ATP9A: variants seen among roughly 807,000 people sequenced by gnomAD.
The protein encoded by ATP9A is ATPase phospholipid transporting 9A.
Under a neutral mutation model 144.1 loss-of-function variants are expected in ATP9A, and 52 were observed. That is an observed-to-expected ratio of 0.36 (90% CI 0.29 to 0.45). The LOEUF is 0.45. Among genes scored for constraint, ATP9A ranks in the 20% least tolerant of loss-of-function variants. The pLI is 1.00. For missense variants in ATP9A, 947 were observed against 1,392.7 expected, an observed-to-expected ratio of 0.68 and a Z score of 5.09; for synonymous variants, 582 against 557.4, an observed-to-expected ratio of 1.04 and a Z score of -0.62.
At chr20:51,762,947 AG>A (rs2077887712) in intron 1 of ATP9A, among the ~76,000 whole-genome samples, 1 of 151,816 alleles carries the variant, frequency 6.6e-6, no homozygotes, top group African/African-American at 2.4e-5. Context: ...CTTGAACTCC[AG>A]GGCTCAAGCA....
chr20:51,698,904 G>A (rs1331856478), intron 4 of ATP9A, among the ~76,000 whole-genome samples: 1 of 152,196 alleles, frequency 6.6e-6, no homozygotes, highest in African/African-American at 2.4e-5. Context: ...CACCCTGTGA[G>A]GGAGCCCAGA....
At chr20:51,668,570 A>G (rs147878039) in intron 13 of ATP9A, among the ~76,000 whole-genome samples, 258 of 152,196 alleles carry the variant, frequency 1.7e-3, no homozygotes, top group African/African-American at 5.9e-3. Context: ...AAATCACCAC[A>G]CAGAGGAAGA....
chr20:51,635,826 G>GGAAGGAAGGA lies in ATP9A; in HGVS notation c.1668+3516_1668+3517insTCCTTCCTTC, dbSNP rs1193048703. Among the ~76,000 whole-genome samples the GGAAGGAAGGA allele has an allele frequency of 1.3e-3, 59 of 46,870 alleles. 1 individual carries two copies. The highest frequency in any genetic ancestry group is 4.4e-3 in the African/African-American group (50 of 11,368). 30.7% of individuals were successfully genotyped at this position (46,870 alleles called of 152,430 possible). On this transcript the variant is annotated intron_variant, in intron 15 of 27. Coordinates refer to ENST00000338821, the MANE Select transcript of ATP9A (RefSeq NM_006045.3). ...GGAGGAAGGAAGGAAGGAAGGAAGG[G>GGAAGGAAGGA]AGGGAGGGAGGGAGGGAAAAAGGAA...
At chr20:51,658,516 CTTTTTTTTTT>C (rs35371153) in intron 13 of ATP9A, among the ~76,000 whole-genome samples, 5,112 of 106,914 alleles carry the variant, frequency 0.048, 126 homozygotes, top group Non-Finnish European at 0.064. Flanking sequence ...CCTATGCTTC[CTTTTTTTTTT>C]TTTTTTTTTT....
At chr20:51,643,853 C>A (rs575467004) in intron 14 of ATP9A, among the ~76,000 whole-genome samples, 1 of 152,008 alleles carries the variant, frequency 6.6e-6, no homozygotes, top group Non-Finnish European at 1.5e-5. Flanking sequence ...AAAATCATAC[C>A]AGCCAGGTGC....
intron 15 of ATP9A, among the ~76,000 whole-genome samples, chr20:51,637,285 A>G (rs1324732745): frequency 4.9e-5 from 6 of 123,336 alleles, no homozygotes; most frequent in African/African-American, 1.2e-4. Context: ...TAAGTATCTT[A>G]TTTGATAACT....
At chr20:51,650,742 A>T (rs2122761722) in intron 14 of ATP9A, among the ~76,000 whole-genome samples, 1 of 152,150 alleles carries the variant, frequency 6.6e-6, no homozygotes, top group East Asian at 1.9e-4. Flanking sequence ...AGCCATGGAG[A>T]CACTCTGCAT....
chr20:51,659,787 T>G (rs2426355), intron 13 of ATP9A, among the ~76,000 whole-genome samples: 74,426 of 152,062 alleles, frequency 0.49, 18,934 homozygotes, highest in East Asian at 0.79. Context: ...ATTTTTAGTA[T>G]TAGCATTAGA....
chr20:51,616,940 CTTTTTTTTTT>C (rs556430829), intron 22 of ATP9A, among the ~76,000 whole-genome samples: 1 of 131,074 alleles, frequency 7.6e-6, no homozygotes, highest in Non-Finnish European at 1.6e-5. Context: ...TATAGAGAAA[CTTTTTTTTTT>C]TTTTTTTTTG....
intron 14 of ATP9A, among the ~76,000 whole-genome samples, chr20:51,654,909 T>C (rs920653892): frequency 1.3e-5 from 2 of 152,198 alleles, no homozygotes; most frequent in African/African-American, 4.8e-5. Context: ...CACACTATAC[T>C]GTGTCACACA....
intron 11 of ATP9A, among the ~76,000 whole-genome samples, chr20:51,672,884 A>G (rs1403329700): frequency 6.6e-6 from 1 of 152,134 alleles, no homozygotes; most frequent in East Asian, 1.9e-4. Context: ...CACTGCTCCA[A>G]TTTTTTGTAA....
chr20:51,627,063 A>G (rs1281685936), intron 17 of ATP9A, among the ~76,000 whole-genome samples: 2 of 151,816 alleles, frequency 1.3e-5, no homozygotes, highest in African/African-American at 4.8e-5. Flanking sequence ...GTCTCAAAAA[A>G]AAAAAAAAAA....
At chr20:51,665,215 A>G (rs2077427736) in intron 13 of ATP9A, among the ~76,000 whole-genome samples, 1 of 147,530 alleles carries the variant, frequency 6.8e-6, no homozygotes, top group African/African-American at 2.5e-5. Context: ...ATCCAGAGAC[A>G]GAAAGTAGAC....
intron 11 of ATP9A, 69 bp from the exon 12 acceptor site, chr20:51,671,326 A>C: frequency 1.3e-6 from 2 of 1,554,902 alleles, no homozygotes; most frequent in Non-Finnish European, 1.8e-6. Context: ...TTATAAAAAC[A>C]TGGACTCTAA....
intron 4 of ATP9A, among the ~76,000 whole-genome samples, chr20:51,702,647 C>G (rs2077598962): frequency 6.6e-6 from 1 of 151,996 alleles, no homozygotes; most frequent in African/African-American, 2.4e-5. Context: ...TGAGGAATCA[C>G]TGGGCATTCA....
chr20:51,625,387 C>T, intron 17 of ATP9A, 25 bp from the exon 18 acceptor site: 1 of 1,604,362 alleles, frequency 6.2e-7, no homozygotes, highest in Non-Finnish European at 8.5e-7. Context: ...CAGATGCAGT[C>T]ACTGCTTAGG....
chr20:51,640,039 C>T (rs1457935246), intron 14 of ATP9A, among the ~76,000 whole-genome samples: 1 of 152,136 alleles, frequency 6.6e-6, no homozygotes, highest in African/African-American at 2.4e-5. Context: ...GAGCTGAGAT[C>T]ACGCCATTGC....
intron 1 of ATP9A, among the ~76,000 whole-genome samples, chr20:51,751,431 T>G (rs1325641360): frequency 6.6e-6 from 1 of 151,838 alleles, no homozygotes; most frequent in Non-Finnish European, 1.5e-5. Flanking sequence ...AGCTAATTTT[T>G]TATTTTTCTT....
At chr20:51,730,304 TA>T (rs1343398627) in intron 1 of ATP9A, among the ~76,000 whole-genome samples, 2 of 151,934 alleles carry the variant, frequency 1.3e-5, no homozygotes, top group African/African-American at 4.8e-5. Flanking sequence ...TCGTCTGTAC[TA>T]AAAAATACAA....
Sources: allele counts gnomAD v4.1 joint callset (sites outside exome capture counted in the v4.1 genomes callset), GRCh38; gene constraint gnomAD v4.1.1; transcripts MANE v1.5; gene names NCBI Gene and HGNC (gene_info 2026-07-23, HGNC 2026-07-21).